PCDH15: variants seen among roughly 807,000 people sequenced by gnomAD.
The protein encoded by PCDH15 is protocadherin related 15, also known as protocadherin-15.
A neutral mutation model predicts 178.5 loss-of-function variants in PCDH15; 129 were observed. The observed-to-expected ratio is 0.72, with a 90% CI of 0.63 to 0.84. The LOEUF (loss-of-function observed/expected upper bound fraction) is 0.84, where lower values mean the gene tolerates loss of function less well. Among genes scored for constraint, PCDH15 ranks in the 40% least tolerant of loss-of-function variants. The pLI, the probability that PCDH15 is intolerant of heterozygous loss-of-function variation, is 0.00. For missense variants in PCDH15, 2,230 were observed against 2,099.9 expected (o/e 1.06, Z -1.21); for synonymous variants, 800 against 732.0 (o/e 1.09, Z -1.50).
intron 21 of PCDH15, among the ~76,000 whole-genome samples, chr10:53,974,954 C>T (rs1483453116): frequency 2.6e-4 from 39 of 152,072 alleles, no homozygotes; most frequent in Admixed American, 2.6e-3. Flanking sequence ...CTCTAATAGT[C>T]TCCAGTATCT....
intron 2 of PCDH15, among the ~76,000 whole-genome samples, chr10:55,566,054 T>C (rs545612682): frequency 6.6e-6 from 1 of 151,656 alleles, no homozygotes; most frequent in East Asian, 1.9e-4. Context: ...CCTCAAAAAA[T>C]TTCTAGCAAA....
Position 53,973,532 on chromosome 10 carries a change from A to T in PCDH15, c.2869-11640T>A, listed in dbSNP as rs562072818. On this transcript the variant is annotated intron_variant, in intron 21 of 37. Coordinates refer to ENST00000644397, the MANE Select transcript of PCDH15 (RefSeq NM_001384140.1). The stretch of plus-strand genomic sequence containing the variant: ...CTATATCATTTTGAAATTGTGATAA[A>T]ATTGCTTTAATATGAACACTAAAAG... 4.6e-5 allele frequency among the ~76,000 whole-genome samples: 7 copies of T among 152,314 alleles called. No homozygotes were observed. In the South Asian group the frequency reaches 1.2e-3, roughly 27 times the overall value.
At chr10:54,731,575 C>A in intron 1 of PCDH15, among the ~76,000 whole-genome samples, 1 of 53,468 alleles carries the variant, frequency 1.9e-5, no homozygotes, top group African/African-American at 5.8e-5. Context: ...CACACACACA[C>A]ACACACACAC....
intron 3 of PCDH15, among the ~76,000 whole-genome samples, chr10:54,477,138 G>C (rs1175751925): frequency 1.3e-5 from 2 of 152,056 alleles, no homozygotes; most frequent in African/African-American, 4.8e-5. Flanking sequence ...TCATGGTTCA[G>C]CTGTAACTTA....
At chr10:54,851,493 T>G (rs1953620680) in intron 3 of PCDH15, among the ~76,000 whole-genome samples, 1 of 152,202 alleles carries the variant, frequency 6.6e-6, no homozygotes, top group South Asian at 2.1e-4. Context: ...AGAGATTATT[T>G]AACACCAGTC....
At chr10:54,570,229 C>T (rs961357966) in intron 2 of PCDH15, among the ~76,000 whole-genome samples, 2 of 152,022 alleles carry the variant, frequency 1.3e-5, no homozygotes, top group African/African-American at 4.8e-5. Flanking sequence ...TGGCTATATA[C>T]GTGACTTCCT....
rs1564535315 is a variant in PCDH15, at chr10:53,822,576, GTC to G, written c.4368-2348_4368-2347del. ...TTCAATAGGTAACATACAAATAGGT[GTC>G]TCTCTCCTAGAGAGTGAAGAATGTA... On this transcript the variant is annotated intron_variant, in intron 32 of 37. Coordinates refer to ENST00000644397, the MANE Select transcript of PCDH15 (RefSeq NM_001384140.1). 1 of 1,613,930 alleles carries G rather than the reference GTC, an allele frequency of 6.2e-7. No individual in the cohort carries two copies. Among genetic ancestry groups the G allele is most frequent in the Admixed American group, 1.7e-5 (1 of 59,972 alleles).
At chr10:55,306,785 G>T (rs200794175) in intron 1 of PCDH15, among the ~76,000 whole-genome samples, 1 of 152,078 alleles carries the variant, frequency 6.6e-6, no homozygotes, top group Non-Finnish European at 1.5e-5. Flanking sequence ...GACAGATTTC[G>T]GTATGAACAT....
intron 8 of PCDH15, among the ~76,000 whole-genome samples, chr10:54,310,202 C>T (rs868639080): frequency 5.9e-5 from 9 of 151,920 alleles, no homozygotes; most frequent in Admixed American, 2.6e-4. Flanking sequence ...AGATAAAAGC[C>T]GTGGAATTCA....
At chr10:55,507,651 T>C (rs1435159217) in intron 2 of PCDH15, among the ~76,000 whole-genome samples, 1 of 151,524 alleles carries the variant, frequency 6.6e-6, no homozygotes, top group Non-Finnish European at 1.5e-5. Flanking sequence ...CACTTTCATA[T>C]AGCATAATTG....
chr10:53,897,327 T>C (rs1277510808), intron 26 of PCDH15, among the ~76,000 whole-genome samples: 1 of 152,178 alleles, frequency 6.6e-6, no homozygotes, highest in Non-Finnish European at 1.5e-5. Flanking sequence ...AAAAATAAAT[T>C]GACTAATATA....
intron 1 of PCDH15, among the ~76,000 whole-genome samples, chr10:55,173,833 T>G (rs1839407758): frequency 6.6e-6 from 1 of 152,176 alleles, no homozygotes; most frequent in South Asian, 2.1e-4. Flanking sequence ...AGTACAGATT[T>G]TTTGATGTTT....
chr10:54,344,782 T>C (rs1942916116), intron 6 of PCDH15, among the ~76,000 whole-genome samples: 1 of 151,618 alleles, frequency 6.6e-6, no homozygotes, highest in African/African-American at 2.4e-5. Flanking sequence ...TCTTTGCTAC[T>C]TCCCACTTCA....
At chr10:54,028,681 C>G (rs567017139) in intron 18 of PCDH15, among the ~76,000 whole-genome samples, 34 of 148,184 alleles carry the variant, frequency 2.3e-4, no homozygotes, top group Admixed American at 2.0e-4. Context: ...AGTAAACTAT[C>G]GCAAGAACAA....
At chr10:53,989,247 T>C (rs555625984) in intron 21 of PCDH15, among the ~76,000 whole-genome samples, 2 of 152,252 alleles carry the variant, frequency 1.3e-5, no homozygotes, top group East Asian at 1.9e-4. Context: ...TTTTATTTAG[T>C]AACACATTAT....
intron 8 of PCDH15, among the ~76,000 whole-genome samples, chr10:54,313,593 G>A (rs182136782): frequency 1.1e-4 from 16 of 152,026 alleles, no homozygotes; most frequent in Non-Finnish European, 2.1e-4. Context: ...GGACTCAAAT[G>A]TATCTTAATT....
intron 29 of PCDH15, among the ~76,000 whole-genome samples, chr10:53,838,829 G>C (rs773027619): frequency 1.2e-4 from 19 of 152,202 alleles, no homozygotes; most frequent in South Asian, 4.1e-4. Flanking sequence ...TATAAAATCA[G>C]AGTGCGAGCT....
At chr10:54,906,429 A>G (rs1230702095) in intron 2 of PCDH15, among the ~76,000 whole-genome samples, 1 of 152,162 alleles carries the variant, frequency 6.6e-6, no homozygotes, top group African/African-American at 2.4e-5. Flanking sequence ...AGCTCACATT[A>G]AAATAAAAAA....
chr10:55,553,240 T>C (rs1173163207), intron 2 of PCDH15, among the ~76,000 whole-genome samples: 1 of 151,402 alleles, frequency 6.6e-6, no homozygotes, highest in Non-Finnish European at 1.5e-5. Flanking sequence ...TCCAAATTCA[T>C]GTTATTTTGT....
Sources: gnomAD v4.1 joint callset for allele counts (sites outside exome capture counted in the v4.1 genomes callset) on GRCh38, gnomAD v4.1.1 for gene constraint, MANE v1.5 for transcripts, NCBI Gene and HGNC (gene_info 2026-07-23, HGNC 2026-07-21) for gene names.